EIF2AK1: variants seen among roughly 807,000 people sequenced by gnomAD.
EIF2AK1 encodes eukaryotic translation initiation factor 2-alpha kinase 1.
Under a neutral mutation model 77.9 loss-of-function variants are expected in EIF2AK1, and 54 were observed. That is an observed-to-expected ratio of 0.69 (90% confidence interval 0.56 to 0.87). The LOEUF is 0.87. Ranked by LOEUF, EIF2AK1 falls within the 40% of genes least tolerant of loss-of-function variation. The probability of loss-of-function intolerance (pLI) is 0.00; values close to 1 mark genes in which losing one functional copy is unlikely to be tolerated. For missense variants in EIF2AK1, 810 were observed against 768.6 expected, an observed-to-expected ratio of 1.05 and a Z score of -0.64; for synonymous variants, 314 against 290.5, an observed-to-expected ratio of 1.08 and a Z score of -0.82.
chr7:6,028,696 T>G lies in EIF2AK1; in HGVS notation c.1449A>C (p.Arg483Ser). 6.2e-7 allele frequency: 1 copy of G among 1,614,126 alleles called. No homozygotes were observed. The highest frequency in any genetic ancestry group is 8.5e-7 in the Non-Finnish European group (1 of 1,179,946). The change falls in exon 13 of 15, where the codon AGA (arginine) becomes AGC (serine). Residue 483 changes from arginine to serine, a missense_variant and splice_region_variant. By Grantham distance (110) the Arg-to-Ser change is moderately radical. Coordinates refer to ENST00000199389, the MANE Select transcript of EIF2AK1 (RefSeq NM_014413.4). Reference protein sequence around the residue: ...NTDWTNRNGKRTPTHTSRVGT... With the variant: ...NTDWTNRNGKSTPTHTSRVGT... The stretch of plus-strand genomic sequence containing the variant: ...CCACTCTGGACGTATGTGTTGGTGT[T>G]CCTATCATTTCAAAAGCCACATATT...
intron 1 of EIF2AK1, among the ~76,000 whole-genome samples, chr7:6,057,085 G>A (rs1057349164): frequency 6.6e-6 from 1 of 150,614 alleles, no homozygotes; most frequent in Non-Finnish European, 1.5e-5. Flanking sequence ...TTGAACCCAG[G>A]AGTTTGAGAC....
At position 6,048,950 on chromosome 7, in the gene EIF2AK1, A is replaced by C. The variant is rs888500351; in HGVS notation, c.412-106T>G. On this transcript the variant is annotated intron_variant, in intron 3 of 14. Transcript: ENST00000199389. ...TAACAACCCCAAATGCATAAACAAT[A>C]TTTTAAAAACCACTGGCTTTTTCAG... 4.2e-6 allele frequency: 3 copies of C among 717,348 alleles called. No homozygotes were observed. The African/African-American group carries it at 5.5e-5, about 13-fold the overall frequency. The allele number at this position is 717,348 out of a possible 1,614,324, so 44.4% of individuals were successfully genotyped here.
In EIF2AK1 at chr7:6,032,706, A is replaced by G; in HGVS notation, c.1333-3674T>C. The G allele has an allele frequency of 3.3e-6, 2 of 615,370 alleles. No homozygotes were observed. The highest frequency in any genetic ancestry group is 2.7e-6 in the Non-Finnish European group (1 of 367,090). The allele number at this position is 615,370 out of a possible 1,614,324, so 38.1% of individuals were successfully genotyped here. A position where few individuals can be genotyped will look rare whatever the true frequency, so the allele number is the denominator to read the frequency against. On this transcript the variant is annotated intron_variant, in intron 11 of 14. Transcript: ENST00000199389. The surrounding 1 kb of genome is among the most constrained non-coding windows in gnomAD (Gnocchi z 4.3). ...ACAGGTAGTAGAAAGGAAACTTTCA[A>G]TGCACATACCAGAAAAAGAGTGAGC... is the stretch of plus-strand genomic sequence containing the variant.
Position 6,054,633 on chromosome 7 carries a change from C to T in EIF2AK1, c.190G>A (p.Ala64Thr). Residue 64 changes from alanine (A) to threonine (T), a missense_variant, in exon 2 of 15, where the codon GCA becomes ACA. Ala to Thr is a moderately conservative substitution (Grantham distance 58, BLOSUM62 0). Transcript: ENST00000199389. The part of the protein sequence containing the change: ...LQQPTFPFAV[A>T]NQLLLVSLLE... ...AAAGAAACCAGCAAGAGTTGGTTTG[C>T]AACTGCAAAAGGGAAGGTTGGCTGT... 1 of 1,614,126 alleles carries T rather than the reference C, an allele frequency of 6.2e-7. No homozygotes were observed. Among genetic ancestry groups the T allele is most frequent in the Non-Finnish European group, 8.5e-7 (1 of 1,180,020 alleles).
At chr7:6,040,761 G>A in intron 9 of EIF2AK1, 131 bp downstream of exon 9, 1 of 761,578 alleles carries the variant, frequency 1.3e-6, no homozygotes, top group Non-Finnish European at 2.1e-6. Context: ...CCATGGCAAG[G>A]GGAACATGGC....
At position 6,024,812 on chromosome 7, in the gene EIF2AK1, A is replaced by C; in HGVS notation, c.1765-11T>G. 6.7e-7 allele frequency: 1 copy of C among 1,491,224 alleles called. No individual in the cohort carries two copies. Among genetic ancestry groups the C allele is most frequent in the Non-Finnish European group, 8.9e-7 (1 of 1,122,258 alleles). 92.4% of individuals were successfully genotyped at this position (1,491,224 alleles called of 1,614,324 possible). On this transcript the variant is annotated splice_polypyrimidine_tract_variant and intron_variant, in intron 14 of 14. Transcript: ENST00000199389. ...TAGGGTGAGGTTAACCTGTAAGGAG[A>C]AAATATTTTAAACTCCATTAAAATA...
rs1334111108 is a variant in EIF2AK1, at chr7:6,041,752, A to C, written c.792-533T>G. Reference sequence around the variant, plus strand: ...GCTACTTAGGAGGCTGAGGCAGGAGAATCGCTTGAACCCGGGAGGAAGAGG... The same window carrying C: ...GCTACTTAGGAGGCTGAGGCAGGAGCATCGCTTGAACCCGGGAGGAAGAGG... On this transcript the variant is annotated intron_variant, in intron 8 of 14. Coordinates refer to ENST00000199389, the MANE Select transcript of EIF2AK1 (RefSeq NM_014413.4). Among the ~76,000 whole-genome samples the C allele has an allele frequency of 2.6e-5, 4 of 151,838 alleles. No homozygotes were observed. The South Asian group carries it at 8.3e-4, about 32-fold the overall frequency.
chr7:6,033,778 C>T lies in EIF2AK1; in HGVS notation c.1332+3646G>A, dbSNP rs1583481083. Among the ~76,000 whole-genome samples the T allele has an allele frequency of 6.6e-6, 1 of 151,738 alleles. No individual in the cohort carries two copies. ...TAGAGATGGGGTTTCACCATGTTAG[C>T]CAGGATAGTCTCAATCTCCTGACCT... On this transcript the variant is annotated intron_variant, in intron 11 of 14. Coordinates refer to ENST00000199389, the MANE Select transcript of EIF2AK1 (RefSeq NM_014413.4). The surrounding 1 kb of genome is among the most constrained non-coding windows in gnomAD (Gnocchi z 4.4).
chr7:6,054,806 A>C (rs1460331470), intron 1 of EIF2AK1, 102 bp from the exon 2 acceptor site: 1 of 1,228,048 alleles, frequency 8.1e-7, no homozygotes, highest in Non-Finnish European at 1.1e-6. Flanking sequence ...ATTTAAATGT[A>C]AGCAGATAAA....
At chr7:6,050,912 T>G (rs1788592024) in intron 2 of EIF2AK1, among the ~76,000 whole-genome samples, 1 of 152,080 alleles carries the variant, frequency 6.6e-6, no homozygotes, top group South Asian at 2.1e-4. Flanking sequence ...CTATAATTAC[T>G]TCTCTTACCC....
chr7:6,024,760 T>A lies in EIF2AK1; in HGVS notation c.1806A>T (p.Lys602Asn), dbSNP rs1787690128. 8 of 1,589,836 alleles carry A rather than the reference T, an allele frequency of 5.0e-6. No homozygotes were observed. The Admixed American group carries it at 1.3e-4, about 26-fold the overall frequency. ...TLQMKIIEQE[K>N]EIAELKKQLN... ...GCTGCTTCTTTAGTTCTGCAATTTC[T>A]TTTTCTTGCTCTATTATCTTCATCT... The change falls in exon 15 of 15, where the codon AAA (lysine) becomes AAT (asparagine). Residue 602 changes from lysine to asparagine, a missense_variant. By Grantham distance (94) the Lys-to-Asn change is moderately conservative. Around this residue, in one of 3 missense-constraint regions of EIF2AK1, gnomAD observed 549 missense variants for 533.7 expected, o/e 1.03. Coordinates refer to ENST00000199389, the MANE Select transcript of EIF2AK1 (RefSeq NM_014413.4).
intron 4 of EIF2AK1, among the ~76,000 whole-genome samples, chr7:6,048,348 A>C (rs1046842696): frequency 1.3e-5 from 2 of 152,138 alleles, no homozygotes; most frequent in African/African-American, 4.8e-5. Flanking sequence ...GCCTTTTATG[A>C]CTGGCTGTTT....
chr7:6,025,473 G>A (rs1306348313), intron 14 of EIF2AK1, among the ~76,000 whole-genome samples: 4 of 152,100 alleles, frequency 2.6e-5, no homozygotes, highest in African/African-American at 9.6e-5. Flanking sequence ...GTAACTCTTA[G>A]AGTAGACAGG....
chr7:6,025,093 C>T (rs548463087), intron 14 of EIF2AK1, among the ~76,000 whole-genome samples: 2 of 152,246 alleles, frequency 1.3e-5, no homozygotes, highest in South Asian at 2.1e-4. Context: ...CCCGCCTCGA[C>T]CTCCCAAAGT....
chr7:6,044,478 T>C, intron 7 of EIF2AK1, 84 bp downstream of exon 7: 1 of 1,117,262 alleles, frequency 9.0e-7, no homozygotes, highest in South Asian at 1.4e-5. Context: ...TTGTGGTATG[T>C]ACAAAAACAA....
In EIF2AK1 at chr7:6,024,508, A is replaced by T; in HGVS notation, c.*165T>A. The T allele has an allele frequency of 7.0e-7, 1 of 1,431,396 alleles. No individual in the cohort carries two copies. Among genetic ancestry groups the T allele is most frequent in the Admixed American group, 3.1e-5 (1 of 32,266 alleles). The allele number at this position is 1,431,396 out of a possible 1,614,324, so 88.7% of individuals were successfully genotyped here. On this transcript the variant is annotated 3_prime_UTR_variant, in exon 15 of 15. Coordinates refer to ENST00000199389, the MANE Select transcript of EIF2AK1 (RefSeq NM_014413.4). ...TTTAGGTAGGAAATTCAGGAAAAGG[A>T]GCTTGTGGGGCAGGAAGGGAAGGAA...
intron 2 of EIF2AK1, among the ~76,000 whole-genome samples, chr7:6,051,721 C>G (rs1016478249): frequency 4.6e-5 from 7 of 151,822 alleles, no homozygotes; most frequent in Non-Finnish European, 8.8e-5. Context: ...AGCCACCGTG[C>G]CCCACCAAGG....
rs769880127 is a variant in EIF2AK1 at position 6,023,897 on chromosome 7, T to G, written c.*776A>C. 4.6e-6 allele frequency: 7 copies of G among 1,509,264 alleles called. No individual in the cohort carries two copies. Among genetic ancestry groups the G allele is most frequent in the South Asian group, 1.2e-5 (1 of 82,932 alleles). 93.5% of individuals were successfully genotyped at this position (1,509,264 alleles called of 1,614,324 possible). A position where few individuals can be genotyped will look rare whatever the true frequency, so the allele number is the denominator to read the frequency against. On this transcript the variant is annotated 3_prime_UTR_variant, in exon 15 of 15. Coordinates refer to ENST00000199389, the MANE Select transcript of EIF2AK1 (RefSeq NM_014413.4). The stretch of plus-strand genomic sequence containing the variant: ...GCCATCTACCGTGATGACTGCCAAC[T>G]CCATGGCAGACCCTTTCTGGGATTC...
Position 6,035,508 on chromosome 7 carries a change from T to C in EIF2AK1, c.1332+1916A>G, listed in dbSNP as rs1562746084. ...GCACTGGCCAGTCACTTCCACCACG[T>C]GGGCAAAACCAGGCAACAGAACGCA... is the stretch of plus-strand genomic sequence containing the variant. On this transcript the variant is annotated intron_variant, in intron 11 of 14. Coordinates refer to ENST00000199389, the MANE Select transcript of EIF2AK1 (RefSeq NM_014413.4). This position sits in a 1 kb window ranked among gnomAD's most constrained non-coding sequence, Gnocchi z 5.5. 7 of 1,551,132 alleles carry C rather than the reference T, an allele frequency of 4.5e-6. 1 individual carries two copies. Among genetic ancestry groups the C allele is most frequent in the Non-Finnish European group, 4.4e-6 (5 of 1,147,110 alleles).
Sources: allele counts gnomAD v4.1 joint callset (sites outside exome capture counted in the v4.1 genomes callset), GRCh38; gene constraint gnomAD v4.1.1; regional missense constraint gnomAD v4.1.1; non-coding constraint Gnocchi (gnomAD v3.1); transcripts MANE v1.5; gene names NCBI Gene and HGNC (gene_info 2026-07-23, HGNC 2026-07-21).